The following TPRG1 variants were observed in gnomAD, a reference collection of about 807,000 sequenced individuals.
TPRG1 encodes tumor protein p63 regulated 1, also known as tumor protein p63-regulated gene 1 protein.
In TPRG1, 29 loss-of-function variants were observed where a neutral mutation model predicts 29.3. The ratio of observed to expected loss-of-function variants is 0.99; its 90% CI spans 0.74 to 1.35. The LOEUF (loss-of-function observed/expected upper bound fraction) is 1.35. Ranked by LOEUF, TPRG1 falls within the 40% of genes most tolerant of loss-of-function variation. TPRG1 has a pLI of 0.00. For missense variants in TPRG1, 327 were observed against 335.0 expected (o/e 0.98, Z 0.19); for synonymous variants, 130 against 116.8 (o/e 1.11, Z -0.73).
intron 4 of TPRG1, among the ~76,000 whole-genome samples, chr3:189,305,407 C>A (rs1307936799): frequency 1.3e-5 from 2 of 152,210 alleles, no homozygotes; most frequent in Non-Finnish European, 2.9e-5. Context: ...GAATGTGTTT[C>A]CTTCTTCCAA....
intron 5 of TPRG1, among the ~76,000 whole-genome samples, chr3:189,165,915 G>A (rs1489722219): frequency 2.0e-5 from 3 of 152,158 alleles, no homozygotes; most frequent in Admixed American, 2.0e-4. Flanking sequence ...TAACTGGTCA[G>A]GGACTAAGAC....
intron 4 of TPRG1, among the ~76,000 whole-genome samples, chr3:189,266,945 G>A (rs189824618): frequency 9.3e-4 from 141 of 152,072 alleles, no homozygotes; most frequent in African/African-American, 2.8e-3. Context: ...GAAAGGTTAA[G>A]TTGAGATAGT....
At chr3:189,184,966 C>G (rs1163767063) in intron 1 of TPRG1, among the ~76,000 whole-genome samples, 1 of 152,178 alleles carries the variant, frequency 6.6e-6, no homozygotes, top group Non-Finnish European at 1.5e-5. Flanking sequence ...ATTGTTTCAT[C>G]TTGTTGTGGA....
intron 3 of TPRG1, among the ~76,000 whole-genome samples, chr3:189,145,058 A>G (rs1725062711): frequency 6.6e-6 from 1 of 152,102 alleles, no homozygotes; most frequent in African/African-American, 2.4e-5. Flanking sequence ...GGAAGAGGGA[A>G]TACCCAAGTA....
At chr3:189,061,877 G>A (rs1175102724) in intron 4 of TPRG1, among the ~76,000 whole-genome samples, 1 of 151,828 alleles carries the variant, frequency 6.6e-6, no homozygotes, top group Non-Finnish European at 1.5e-5. Context: ...AAGCAGTGGG[G>A]CAATTCCACA....
Position 189,114,438 on chromosome 3 carries a change from A to G in TPRG1, c.-743-12619A>G, listed in dbSNP as rs556182857. 3.3e-4 allele frequency among the ~76,000 whole-genome samples: 50 copies of G among 152,252 alleles called. 1 individual carries two copies. Among genetic ancestry groups the G allele is most frequent in the African/African-American group, 1.2e-3 (48 of 41,538 alleles). On this transcript the variant is annotated intron_variant, in intron 1 of 6. Coordinates refer to the TPRG1 transcript ENST00000412373. ...GCTGGGATTACAGGCACACACCACC[A>G]TGCCTGGCTAATTTTTGTATGTTTA...
chr3:189,275,884 T>C (rs1168971548), intron 4 of TPRG1, among the ~76,000 whole-genome samples: 6 of 152,046 alleles, frequency 3.9e-5, no homozygotes. Context: ...TCAAAGAAAA[T>C]AGACAATCTC....
At chr3:189,209,268 T>G (rs1425317151) in intron 2 of TPRG1, among the ~76,000 whole-genome samples, 1 of 152,202 alleles carries the variant, frequency 6.6e-6, no homozygotes, top group Admixed American at 6.5e-5. Flanking sequence ...GCCATGAACA[T>G]GAGTTGTCAC....
intron 3 of TPRG1, among the ~76,000 whole-genome samples, chr3:189,143,300 A>G (rs1255107497): frequency 1.3e-5 from 2 of 152,234 alleles, no homozygotes; most frequent in Non-Finnish European, 2.9e-5. Context: ...GAGCAGTCAA[A>G]GGATTTCTCC....
intron 4 of TPRG1, among the ~76,000 whole-genome samples, chr3:189,261,663 CAAAGCAGGCTTTGGTT>C (rs1713082237): frequency 6.6e-6 from 1 of 152,076 alleles, no homozygotes; most frequent in African/African-American, 2.4e-5. Flanking sequence ...TGCTTTAGCC[CAAAGCAGGCTTTGGTT>C]AGGGCTCCAG....
intron 2 of TPRG1, chr3:189,211,910 C>T (rs1578846957): frequency 6.6e-6 from 1 of 151,984 alleles, no homozygotes; most frequent in East Asian, 1.9e-4. Flanking sequence ...GGTTTCAGTT[C>T]ATCTGCTATT....
At chr3:189,218,384 A>G (rs1578876406) in intron 3 of TPRG1, among the ~76,000 whole-genome samples, 1 of 152,000 alleles carries the variant, frequency 6.6e-6, no homozygotes, top group Admixed American at 6.6e-5. Flanking sequence ...CCAAAGTGCT[A>G]GGATTACAGG....
At chr3:189,247,601 T>A (rs1741550080) in intron 4 of TPRG1, among the ~76,000 whole-genome samples, 1 of 152,012 alleles carries the variant, frequency 6.6e-6, no homozygotes, top group African/African-American at 2.4e-5. Flanking sequence ...GTTGTTTGTT[T>A]TTTTGGCAAA....
At chr3:189,314,209 AT>A (rs1485120607) in intron 5 of TPRG1, among the ~76,000 whole-genome samples, 1 of 152,114 alleles carries the variant, frequency 6.6e-6, no homozygotes, top group Non-Finnish European at 1.5e-5. Context: ...AACATGTTGC[AT>A]TTCTGTAGAA....
upstream of TPRG1, among the ~76,000 whole-genome samples, chr3:189,171,404 G>T (rs1407303784): frequency 1.3e-5 from 2 of 152,348 alleles, no homozygotes; most frequent in East Asian, 1.9e-4. Flanking sequence ...CCTACTATCT[G>T]CTGGGTGTTT....
Position 189,238,715 on chromosome 3 carries a change from C to T in TPRG1, c.303-18C>T, listed in dbSNP as rs1282489452. ...AGGCTGTGTCATCAATTTTTATTTG[C>T]TATGATGATTCCTATAGGATAGACC... is the stretch of plus-strand genomic sequence containing the variant. On this transcript the variant is annotated intron_variant, in intron 3 of 5. Transcript: ENST00000345063. The T allele has an allele frequency of 6.4e-7, 1 of 1,574,364 alleles. No individual in the cohort carries two copies. The highest frequency in any genetic ancestry group is 1.8e-5 in the Admixed American group (1 of 56,126).
chr3:189,297,496 C>T (rs1333420122), intron 4 of TPRG1, among the ~76,000 whole-genome samples: 1 of 152,148 alleles, frequency 6.6e-6, no homozygotes. Context: ...CCCACTCCCT[C>T]TGACTACTTG....
upstream of TPRG1, among the ~76,000 whole-genome samples, chr3:189,171,691 G>T (rs1728830141): frequency 6.6e-6 from 1 of 152,026 alleles, no homozygotes; most frequent in Non-Finnish European, 1.5e-5. Flanking sequence ...TAGGCCTCAG[G>T]CTTAAGCTTA....
At chr3:189,262,266 AG>A (rs1420256615) in intron 4 of TPRG1, among the ~76,000 whole-genome samples, 3 of 149,720 alleles carry the variant, frequency 2.0e-5, no homozygotes, top group Non-Finnish European at 4.5e-5. Context: ...AAGACTTGGT[AG>A]AAGTATATGA....
Sources: allele counts gnomAD v4.1 joint callset (sites outside exome capture counted in the v4.1 genomes callset), GRCh38; gene constraint gnomAD v4.1.1; transcripts MANE v1.5; gene names NCBI Gene and HGNC (gene_info 2026-07-23, HGNC 2026-07-21).